Variants in SOX5 observed in about 807,000 individuals in gnomAD.
SOX5 encodes the protein SRY-box transcription factor 5.
A neutral mutation model predicts 92.0 loss-of-function variants in SOX5; 9 were observed. The observed-to-expected ratio is 0.10, with a 90% CI of 0.06 to 0.17. The LOEUF (loss-of-function observed/expected upper bound fraction) is 0.17. Among genes scored for constraint, SOX5 ranks in the 10% least tolerant of loss-of-function variants. SOX5 has a pLI of 1.00. For missense variants in SOX5, 642 were observed against 944.5 expected (o/e 0.68, Z 4.20); for synonymous variants, 344 against 336.3 (o/e 1.02, Z -0.25).
chr12:23,785,807 C>T (rs1337976892), intron 3 of SOX5, among the ~76,000 whole-genome samples: 1 of 152,100 alleles, frequency 6.6e-6, no homozygotes, highest in African/African-American at 2.4e-5. Context: ...CATAAGACTC[C>T]TTAATTTTAG....
chr12:23,803,149 AT>A (rs1452084469), intron 3 of SOX5, among the ~76,000 whole-genome samples: 1 of 152,162 alleles, frequency 6.6e-6, no homozygotes, highest in Non-Finnish European at 1.5e-5. Context: ...TTCAACTGTC[AT>A]TAGTATGTGA....
chr12:23,998,338 C>CCTA (rs1475450230), intron 4 of SOX5, among the ~76,000 whole-genome samples: 2 of 151,850 alleles, frequency 1.3e-5, no homozygotes, highest in African/African-American at 4.8e-5. Context: ...ATTTGCCTGG[C>CCTA]CTGTAGAAAT....
intron 4 of SOX5, among the ~76,000 whole-genome samples, chr12:24,034,392 A>G (rs191030985): frequency 3.9e-5 from 6 of 152,088 alleles, no homozygotes; most frequent in Non-Finnish European, 8.8e-5. Context: ...CATGTGTGGT[A>G]GTGCTAATGA....
At chr12:23,984,136 G>A (rs1949850321) in intron 4 of SOX5, among the ~76,000 whole-genome samples, 1 of 151,922 alleles carries the variant, frequency 6.6e-6, no homozygotes, top group Non-Finnish European at 1.5e-5. Context: ...ACTTTCTATT[G>A]AAAACACCTT....
chr12:23,973,196 C>G (rs976291672), intron 4 of SOX5, among the ~76,000 whole-genome samples: 2 of 131,128 alleles, frequency 1.5e-5, no homozygotes, highest in African/African-American at 5.8e-5. Context: ...AATTCTCACT[C>G]TATTGCCCAG....
At chr12:24,174,527 C>T in intron 4 of SOX5, among the ~76,000 whole-genome samples, 1 of 151,584 alleles carries the variant, frequency 6.6e-6, no homozygotes, top group Non-Finnish European at 1.5e-5. Context: ...GGGGAACCCA[C>T]AAAACAAAAA....
intron 2 of SOX5, among the ~76,000 whole-genome samples, chr12:23,871,822 T>C (rs2136807114): frequency 6.6e-6 from 1 of 152,208 alleles, no homozygotes; most frequent in Non-Finnish European, 1.5e-5. Context: ...CCTGAAAGTA[T>C]TATGGGTTCC....
intron 2 of SOX5, among the ~76,000 whole-genome samples, chr12:24,289,482 C>T (rs1220702862): frequency 9.2e-6 from 1 of 108,938 alleles, no homozygotes; most frequent in Non-Finnish European, 1.6e-5. Flanking sequence ...GAGACGGAGT[C>T]TCGCTCTGTC....
At chr12:23,972,651 G>A (rs557982845) in intron 4 of SOX5, among the ~76,000 whole-genome samples, 5 of 152,026 alleles carry the variant, frequency 3.3e-5, no homozygotes, top group East Asian at 1.9e-4. Flanking sequence ...GAGCCACTGC[G>A]CCAGGCCCTT....
At chr12:23,840,238 AT>A (rs1209136048) in intron 3 of SOX5, among the ~76,000 whole-genome samples, 1 of 152,100 alleles carries the variant, frequency 6.6e-6, no homozygotes, top group Non-Finnish European at 1.5e-5. Flanking sequence ...TTACATTTAA[AT>A]TTTTACATCA....
At chr12:23,940,014 C>A (rs373773297) in intron 1 of SOX5, among the ~76,000 whole-genome samples, 1 of 151,108 alleles carries the variant, frequency 6.6e-6, no homozygotes, top group East Asian at 1.9e-4. Context: ...AGCCCCTGTG[C>A]TGTACTCATG....
chr12:23,813,985 A>G (rs2095932432), intron 3 of SOX5, among the ~76,000 whole-genome samples: 1 of 152,196 alleles, frequency 6.6e-6, no homozygotes, highest in Non-Finnish European at 1.5e-5. Context: ...ATAAGCAATA[A>G]TGAATTTTCA....
intron 3 of SOX5, among the ~76,000 whole-genome samples, chr12:23,811,432 T>C (rs946883908): frequency 4.6e-5 from 7 of 152,254 alleles, no homozygotes; most frequent in African/African-American, 1.7e-4. Flanking sequence ...AAAGAAAATA[T>C]ACTTCTATCC....
At chr12:23,920,532 G>T (rs1937885846) in intron 1 of SOX5, 1 of 152,172 alleles carries the variant, frequency 6.6e-6, no homozygotes, top group African/African-American at 2.4e-5. Context: ...TTGAGTATAG[G>T]AATCACAACT....
chr12:23,764,655 G>C (rs1275330382), intron 3 of SOX5, among the ~76,000 whole-genome samples: 2 of 152,060 alleles, frequency 1.3e-5, no homozygotes, highest in Non-Finnish European at 2.9e-5. Context: ...TGGATGTCTA[G>C]GCCATGTTGA....
At chr12:24,326,450 G>C (rs1231137989) in intron 2 of SOX5, among the ~76,000 whole-genome samples, 1 of 35,614 alleles carries the variant, frequency 2.8e-5, no homozygotes, top group Non-Finnish European at 7.0e-5. Context: ...TCATTTGATC[G>C]CACTTGTGTA....
At chr12:23,756,103 G>A (rs2094363841) in intron 3 of SOX5, among the ~76,000 whole-genome samples, 1 of 151,726 alleles carries the variant, frequency 6.6e-6, no homozygotes, top group Non-Finnish European at 1.5e-5. Context: ...AAAAGGCAAA[G>A]AATTAGCTCT....
In SOX5 at chr12:23,959,488, T is replaced by C. The variant is rs571027863; in HGVS notation, c.-1-63464A>G. On this transcript the variant is annotated intron_variant, in intron 4 of 4. Coordinates refer to the SOX5 transcript ENST00000446891. ...GGAACATGAGTGAACTGAAATATAA[T>C]CTTAAAGAAGAGAGAGTCTTACTAA... is the stretch of plus-strand genomic sequence containing the variant. Among the ~76,000 whole-genome samples, 3 of 152,124 alleles carry C rather than the reference T, an allele frequency of 2.0e-5. No homozygotes were observed. In the South Asian group the frequency reaches 6.2e-4, roughly 32 times the overall value.
intron 4 of SOX5, among the ~76,000 whole-genome samples, chr12:24,185,236 A>C (rs11047302): frequency 0.018 from 2,726 of 152,194 alleles, 72 homozygotes; most frequent in African/African-American, 0.061. Flanking sequence ...CATACCCTTG[A>C]AATACCTGCT....
Sources: gnomAD v4.1 joint callset for allele counts (sites outside exome capture counted in the v4.1 genomes callset) on GRCh38, gnomAD v4.1.1 for gene constraint, MANE v1.5 for transcripts, NCBI Gene and HGNC (gene_info 2026-07-23, HGNC 2026-07-21) for gene names.